Variants in HKDC1 observed in about 807,000 individuals in gnomAD.
The protein encoded by HKDC1 is hexokinase HKDC1.
In HKDC1, 66 loss-of-function variants were observed where a neutral mutation model predicts 96.6. The observed-to-expected ratio is 0.68, with a 90% CI of 0.56 to 0.84. HKDC1 has a LOEUF of 0.84. HKDC1 is among the 40% of genes least tolerant of loss of function. The pLI is 0.00. For synonymous variants in HKDC1, 466 were observed against 473.1 expected, an observed-to-expected ratio of 0.98 and a Z score of 0.20; for missense variants, 1,211 against 1,208.1, an observed-to-expected ratio of 1.00 and a Z score of -0.04.
intron 14 of HKDC1, 110 bp downstream of exon 14, chr10:69,257,536 A>T: frequency 1.1e-6 from 1 of 878,370 alleles, no homozygotes; most frequent in Non-Finnish European, 1.9e-6. Context: ...GGCTCTGCCC[A>T]AGGCAGAGAT....
chr10:69,231,779 G>A (rs911085168), intron 2 of HKDC1, among the ~76,000 whole-genome samples: 1 of 152,180 alleles, frequency 6.6e-6, no homozygotes, highest in Non-Finnish European at 1.5e-5. Context: ...GACATAGATT[G>A]TGGGATCTAC....
intron 2 of HKDC1, among the ~76,000 whole-genome samples, chr10:69,229,733 C>T (rs1055847117): frequency 1.3e-5 from 2 of 152,182 alleles, no homozygotes; most frequent in African/African-American, 4.8e-5. Flanking sequence ...GCCGGGAAGA[C>T]GCCCAGCTCC....
chr10:69,252,675 C>A (rs1250388429), intron 12 of HKDC1, among the ~76,000 whole-genome samples: 1 of 148,934 alleles, frequency 6.7e-6, no homozygotes, highest in Non-Finnish European at 1.5e-5. Context: ...TGTAGCCAGG[C>A]ATGGTGGCAC....
At position 69,247,457 on chromosome 10, in the gene HKDC1, A is replaced by G. The variant is rs753331440; in HGVS notation, c.1129A>G (p.Ile377Val). ...CATTGCCGTCCAGCATGTCTGTACCATCGTCTCCTTCCGCTCGGCCAATCT... is the reference window on the plus strand; with the variant it reads ...CATTGCCGTCCAGCATGTCTGTACCGTCGTCTCCTTCCGCTCGGCCAATCT... ...DCIAVQHVCT[I>V]VSFRSANLCA... Residue 377 changes from isoleucine (I) to valine (V), a missense_variant, in exon 9 of 18, where the codon ATC (isoleucine) becomes GTC (valine). By Grantham distance (29) the Ile-to-Val change is conservative (BLOSUM62 3). Coordinates refer to ENST00000354624, the MANE Select transcript of HKDC1 (RefSeq NM_025130.4). 4.3e-6 allele frequency: 7 copies of G among 1,613,976 alleles called. No homozygotes were observed. In the African/African-American group the frequency reaches 6.7e-5, roughly 15 times the overall value.
Position 69,257,415 on chromosome 10 carries a change from G to A in HKDC1, c.2021G>A (p.Gly674Asp). The change falls in exon 14 of 18, where the codon GGC (glycine) becomes GAC (aspartate). Residue 674 changes from glycine to aspartate, a missense_variant. Transcript: ENST00000354624. ...TATGAAGATCCTAATTGTGAGATTGGCCTGATTGCAGGTAGGTGGTCAGGC... is the reference window on the plus strand; with the variant it reads ...TATGAAGATCCTAATTGTGAGATTGACCTGATTGCAGGTAGGTGGTCAGGC... ...CGYEDPNCEI[G>D]LIAGTGSNMC... 3 of 1,612,554 alleles carry A rather than the reference G, an allele frequency of 1.9e-6. No homozygotes were observed. The highest frequency in any genetic ancestry group is 2.5e-6 in the Non-Finnish European group (3 of 1,178,530).
intron 14 of HKDC1, among the ~76,000 whole-genome samples, chr10:69,258,514 A>G (rs1231503327): frequency 6.6e-6 from 1 of 152,180 alleles, no homozygotes; most frequent in Non-Finnish European, 1.5e-5. Context: ...CGTTTATTGA[A>G]TGCTTACCAT....
intron 6 of HKDC1, among the ~76,000 whole-genome samples, chr10:69,241,381 G>C (rs1240507238): frequency 6.6e-6 from 1 of 152,210 alleles, no homozygotes; most frequent in African/African-American, 2.4e-5. Flanking sequence ...AGATTGCACA[G>C]GATGTGCACA....
Position 69,258,928 on chromosome 10 carries a change from G to C in HKDC1, c.2185G>C (p.Asp729His). Residue 729 changes from aspartate (D) to histidine (H), a missense_variant, in exon 15 of 18, where the codon GAT (aspartate) becomes CAT (histidine). Physicochemically the swap from Asp to His is moderately conservative, Grantham distance 81 (BLOSUM62 -1). Transcript: ENST00000354624. ...CTGGACCCGATACGACACGGAGGTG[G>C]ATGAGGGGTCCTTGAATCCTGGCAA... The part of the protein sequence containing the change: ...DIWTRYDTEV[D>H]EGSLNPGKQR... 1 of 1,594,806 alleles carries C rather than the reference G, an allele frequency of 6.3e-7. No homozygotes were observed. The highest frequency in any genetic ancestry group is 8.5e-7 in the Non-Finnish European group (1 of 1,171,006).
chr10:69,229,663 G>C (rs1843220778), intron 2 of HKDC1, among the ~76,000 whole-genome samples: 3 of 152,178 alleles, frequency 2.0e-5, no homozygotes. Flanking sequence ...TCCTGGCCCT[G>C]GCTGCTTCTG....
At chr10:69,257,547 G>T in intron 14 of HKDC1, 121 bp downstream of exon 14, 2 of 814,978 alleles carry the variant, frequency 2.5e-6, no homozygotes, top group Non-Finnish European at 2.1e-6. Flanking sequence ...AGGCAGAGAT[G>T]AAGTTACAAT....
chr10:69,250,630 G>A lies in HKDC1; in HGVS notation c.1814G>A (p.Cys605Tyr), dbSNP rs902495899. The A allele has an allele frequency of 9.9e-6, 16 of 1,613,744 alleles. No homozygotes were observed. The highest frequency in any genetic ancestry group is 1.4e-5 in the Non-Finnish European group (16 of 1,180,016). The change falls in exon 12 of 18, where the codon TGC becomes TAC. Residue 605 changes from cysteine to tyrosine, a missense_variant. Transcript: ENST00000354624. ...LPLGFTFSFP[C>Y]RQMSIDKGTL... The stretch of plus-strand genomic sequence containing the variant: ...TTGGGCTTCACATTCTCATTTCCCT[G>A]CAGGCAGATGAGCATTGACAAGGTA...
intron 7 of HKDC1, among the ~76,000 whole-genome samples, chr10:69,244,309 G>A (rs1028192735): frequency 1.3e-5 from 2 of 152,132 alleles, no homozygotes; most frequent in African/African-American, 4.8e-5. Flanking sequence ...CCTGGAATCA[G>A]CCATTTTGTC....
intron 2 of HKDC1, among the ~76,000 whole-genome samples, chr10:69,228,152 G>A (rs913491076): frequency 4.6e-5 from 7 of 152,160 alleles, no homozygotes; most frequent in East Asian, 1.9e-4. Flanking sequence ...AGCTTGAGGG[G>A]AGAATCTGTT....
intron 10 of HKDC1, chr10:69,249,005 A>ACC (rs200918972): frequency 1.7e-5 from 5 of 292,144 alleles, no homozygotes; most frequent in South Asian, 1.0e-4. Context: ...ACATGAGTGT[A>ACC]CCCCCCCCGA....
intron 12 of HKDC1, 36 bp from the exon 13 acceptor site, chr10:69,257,000 C>G (rs1281380672): frequency 6.5e-7 from 1 of 1,529,864 alleles, no homozygotes; most frequent in East Asian, 2.3e-5. Context: ...CCCTAGCAAA[C>G]TATTGCTCAA....
chr10:69,256,987 T>G, intron 12 of HKDC1, 49 bp from the exon 13 acceptor site: 1 of 1,384,516 alleles, frequency 7.2e-7, no homozygotes, highest in African/African-American at 1.4e-5. Flanking sequence ...GGTTGTGCAG[T>G]GGCCCTAGCA....
intron 2 of HKDC1, among the ~76,000 whole-genome samples, chr10:69,230,369 C>G (rs752966445): frequency 6.6e-6 from 1 of 152,096 alleles, no homozygotes; most frequent in Non-Finnish European, 1.5e-5. Flanking sequence ...CCTGGAGCCT[C>G]GAGTGTTTCC....
chr10:69,227,481 CT>C (rs1199610408), intron 2 of HKDC1, 112 bp downstream of exon 2: 7 of 1,109,600 alleles, frequency 6.3e-6, no homozygotes, highest in Non-Finnish European at 9.0e-6. Context: ...CCTCTCTCTG[CT>C]GTCCCACCCT....
At chr10:69,220,553 C>G in intron 1 of HKDC1, 55 bp downstream of exon 1, 2 of 1,306,590 alleles carry the variant, frequency 1.5e-6, no homozygotes, top group East Asian at 2.5e-5. Context: ...ACGGACAAAA[C>G]TGATTCCCTT....
Sources: gnomAD v4.1 joint callset for allele counts (sites outside exome capture counted in the v4.1 genomes callset) on GRCh38, gnomAD v4.1.1 for gene constraint, MANE v1.5 for transcripts, NCBI Gene and HGNC (gene_info 2026-07-23, HGNC 2026-07-21) for gene names.